Variants in RBFOX1 observed in about 807,000 individuals in gnomAD.
RBFOX1 encodes RNA binding fox-1 homolog 1, also known as RNA binding protein fox-1 homolog 1.
A neutral mutation model predicts 57.7 loss-of-function variants in RBFOX1; 8 were observed. That is an observed-to-expected ratio of 0.14 (90% CI 0.08 to 0.25). RBFOX1 has a LOEUF of 0.25. Among genes scored for constraint, RBFOX1 ranks in the 10% least tolerant of loss-of-function variants. RBFOX1 has a pLI of 1.00. For synonymous variants in RBFOX1, 326 were observed against 222.4 expected (o/e 1.47, Z -4.15); for missense variants, 611 against 548.5 (o/e 1.11, Z -1.14).
chr16:5,633,717 T>C (rs1346482034), intron 3 of RBFOX1, among the ~76,000 whole-genome samples: 1 of 151,836 alleles, frequency 6.6e-6, no homozygotes, highest in African/African-American at 2.4e-5. Context: ...CTTCTAAAAA[T>C]ACAAAAATTA....
chr16:6,650,720 C>A (rs2098582272), intron 2 of RBFOX1, among the ~76,000 whole-genome samples: 1 of 152,008 alleles, frequency 6.6e-6, no homozygotes, highest in Non-Finnish European at 1.5e-5. Flanking sequence ...TCTTTTTGTT[C>A]CACTCTGGAT....
chr16:5,780,278 A>C (rs2054284283), intron 3 of RBFOX1, among the ~76,000 whole-genome samples: 1 of 152,248 alleles, frequency 6.6e-6, no homozygotes, highest in African/African-American at 2.4e-5. Context: ...TTCGGATTAC[A>C]GGCGTGTGCC....
At chr16:7,044,195 G>T in intron 3 of RBFOX1, among the ~76,000 whole-genome samples, 2 of 152,258 alleles carry the variant, frequency 1.3e-5, no homozygotes, top group South Asian at 4.1e-4. Context: ...GTATGGGTGT[G>T]TATGTGTGTG....
intron 3 of RBFOX1, among the ~76,000 whole-genome samples, chr16:7,038,774 A>T (rs779492253): frequency 6.6e-6 from 1 of 152,146 alleles, no homozygotes; most frequent in Non-Finnish European, 1.5e-5. Flanking sequence ...TGTCTGATTA[A>T]TCTGTCTGGA....
At chr16:5,703,604 C>T (rs1469118837) in intron 3 of RBFOX1, among the ~76,000 whole-genome samples, 1 of 152,204 alleles carries the variant, frequency 6.6e-6, no homozygotes, top group Non-Finnish European at 1.5e-5. Context: ...AATGCAGAGA[C>T]TCTGGAGTCA....
intron 14 of RBFOX1, among the ~76,000 whole-genome samples, chr16:7,697,726 C>T (rs1434334689): frequency 6.6e-6 from 1 of 152,144 alleles, no homozygotes; most frequent in African/African-American, 2.4e-5. Context: ...CCTCCACACA[C>T]ACCTTTTTCT....
Position 7,672,605 on chromosome 16 carries a change from G to A in RBFOX1, c.931-4169G>A, listed in dbSNP as rs571090309. On this transcript the variant is annotated intron_variant, in intron 13 of 15. Coordinates refer to ENST00000550418, the MANE Select transcript of RBFOX1 (RefSeq NM_018723.4). ...TGGCCAGGTGTGGTGGCTCACACCTGTAATCCCCGTACTTCGGGAGACCTA... is the reference window on the plus strand; with the variant it reads ...TGGCCAGGTGTGGTGGCTCACACCTATAATCCCCGTACTTCGGGAGACCTA... Among the ~76,000 whole-genome samples the A allele has an allele frequency of 9.2e-5, 14 of 152,196 alleles. No homozygotes were observed. In the East Asian group the frequency reaches 2.7e-3, roughly 29 times the overall value.
At chr16:6,438,036 A>G (rs182976136) in intron 2 of RBFOX1, among the ~76,000 whole-genome samples, 63 of 152,286 alleles carry the variant, frequency 4.1e-4, no homozygotes, top group Admixed American at 3.3e-4. Flanking sequence ...GCTGGATTTC[A>G]TCCCAATGCC....
intron 1 of RBFOX1, among the ~76,000 whole-genome samples, chr16:6,260,696 G>A (rs988160031): frequency 6.6e-6 from 1 of 152,090 alleles, no homozygotes; most frequent in African/African-American, 2.4e-5. Context: ...TGGCCAACAT[G>A]GTGAAACCCC....
chr16:5,340,940 A>G (rs1053089627), intron 1 of RBFOX1, among the ~76,000 whole-genome samples: 21 of 152,278 alleles, frequency 1.4e-4, no homozygotes, highest in Admixed American at 3.3e-4. Context: ...ACTGTAGAAA[A>G]GGGGTTCGGG....
intron 4 of RBFOX1, among the ~76,000 whole-genome samples, chr16:7,207,447 C>T (rs766524071): frequency 2.6e-5 from 4 of 152,256 alleles, no homozygotes; most frequent in South Asian, 4.1e-4. Flanking sequence ...CAAAACATAA[C>T]ATTTTATTAA....
intron 1 of RBFOX1, among the ~76,000 whole-genome samples, chr16:6,106,186 G>C (rs2096376211): frequency 6.6e-6 from 1 of 152,144 alleles, no homozygotes; most frequent in Non-Finnish European, 1.5e-5. Context: ...GCCGGGCCCA[G>C]TAGCTCCTGC....
At chr16:5,690,112 C>A (rs188440735) in intron 3 of RBFOX1, among the ~76,000 whole-genome samples, 1 of 152,206 alleles carries the variant, frequency 6.6e-6, no homozygotes, top group Non-Finnish European at 1.5e-5. Flanking sequence ...CGAGGTCATC[C>A]TGGTTAAGAC....
chr16:7,018,793 A>AC lies in RBFOX1; in HGVS notation c.-15-33264_-15-33263insC, dbSNP rs201920545. Among the ~76,000 whole-genome samples the AC allele has an allele frequency of 4.8e-3, 725 of 151,186 alleles. 3 individuals are homozygous for AC. The highest frequency in any genetic ancestry group is 0.017 in the African/African-American group (694 of 40,886). On this transcript the variant is annotated intron_variant, in intron 3 of 15. Coordinates refer to ENST00000550418, the MANE Select transcript of RBFOX1 (RefSeq NM_018723.4). ...ACCCTATACCTTAAAGTATTAAAAA[A>AC]AAAAAAGAAGAAATACAACGTCTAC...
At chr16:6,100,513 A>G (rs930681554) in intron 1 of RBFOX1, among the ~76,000 whole-genome samples, 4 of 152,202 alleles carry the variant, frequency 2.6e-5, no homozygotes, top group Non-Finnish European at 5.9e-5. Flanking sequence ...AGCTTCCTCC[A>G]CACACTAAAC....
chr16:6,102,802 T>C (rs1388904322), intron 1 of RBFOX1, among the ~76,000 whole-genome samples: 1 of 152,160 alleles, frequency 6.6e-6, no homozygotes, highest in African/African-American at 2.4e-5. Context: ...TAGGTCCTGG[T>C]TTTTATTATA....
At chr16:7,152,382 A>G (rs763629991) in intron 4 of RBFOX1, among the ~76,000 whole-genome samples, 8 of 152,258 alleles carry the variant, frequency 5.3e-5, no homozygotes, top group Non-Finnish European at 1.2e-4. Context: ...GGTTGCATCC[A>G]GTACCTAATC....
At chr16:7,700,652 G>T (rs184758417) in intron 14 of RBFOX1, among the ~76,000 whole-genome samples, 1 of 152,210 alleles carries the variant, frequency 6.6e-6, no homozygotes, top group Admixed American at 6.5e-5. Context: ...GGATGGCCTT[G>T]AGCTCTGCAT....
At chr16:6,892,740 A>G (rs114348837) in intron 3 of RBFOX1, among the ~76,000 whole-genome samples, 1,880 of 149,704 alleles carry the variant, frequency 0.013, 46 homozygotes, top group African/African-American at 0.043. Flanking sequence ...AAGCAGAAGT[A>G]TCAGAAATGC....
Sources: gnomAD v4.1 joint callset for allele counts (sites outside exome capture counted in the v4.1 genomes callset) on GRCh38, gnomAD v4.1.1 for gene constraint, MANE v1.5 for transcripts, NCBI Gene and HGNC (gene_info 2026-07-23, HGNC 2026-07-21) for gene names.